The following SLC6A11 variants were observed in gnomAD, a reference collection of about 807,000 sequenced individuals.
SLC6A11 encodes the protein solute carrier family 6 member 11, also known as sodium- and chloride-dependent GABA transporter 3.
In SLC6A11, 25 loss-of-function variants were observed where a neutral mutation model predicts 74.8. That is an observed-to-expected ratio of 0.33 (90% CI 0.24 to 0.47). The LOEUF (loss-of-function observed/expected upper bound fraction) is 0.47, where lower values mean the gene tolerates loss of function less well. SLC6A11 is among the 20% of genes least tolerant of loss of function. The probability of loss-of-function intolerance (pLI) is 1.00; values close to 1 mark genes in which losing one functional copy is unlikely to be tolerated. For synonymous variants in SLC6A11, 330 were observed against 330.2 expected, an observed-to-expected ratio of 1.00 and a Z score of 0.01; for missense variants, 574 against 837.0, an observed-to-expected ratio of 0.69 and a Z score of 3.88.
At chr3:10,872,473 T>G (rs939803879) in intron 5 of SLC6A11, among the ~76,000 whole-genome samples, 1 of 152,240 alleles carries the variant, frequency 6.6e-6, no homozygotes, top group Non-Finnish European at 1.5e-5. Context: ...GAAGCCCTTC[T>G]GGACTGCTCT....
At chr3:10,844,033 G>A (rs1252852413) in intron 4 of SLC6A11, among the ~76,000 whole-genome samples, 181 bp from the exon 5 acceptor site, 1 of 152,218 alleles carries the variant, frequency 6.6e-6, no homozygotes, top group South Asian at 2.1e-4. Context: ...CATGATCCAA[G>A]GTCCAGAGGG....
chr3:10,830,890 A>G (rs751376491), intron 4 of SLC6A11, among the ~76,000 whole-genome samples: 2 of 152,156 alleles, frequency 1.3e-5, no homozygotes, highest in Non-Finnish European at 2.9e-5. Context: ...CAGCCTCCCC[A>G]GGCTGCAGGT....
chr3:10,929,860 G>A (rs1695662279), intron 10 of SLC6A11, among the ~76,000 whole-genome samples: 1 of 152,188 alleles, frequency 6.6e-6, no homozygotes, highest in East Asian at 1.9e-4. Context: ...GTTAGGAGAG[G>A]TTCTCCATGA....
intron 8 of SLC6A11, among the ~76,000 whole-genome samples, chr3:10,921,097 G>A (rs78339670): frequency 2.0e-5 from 3 of 152,164 alleles, no homozygotes; most frequent in Admixed American, 2.0e-4. Flanking sequence ...TATTTGCAGG[G>A]TTCAGATTTT....
rs747022009 is a variant in SLC6A11 at position 10,929,271 on chromosome 3, C to T, written c.1303C>T (p.Arg435Trp). The T allele has an allele frequency of 6.2e-6, 10 of 1,613,982 alleles. No homozygotes were observed. Among genetic ancestry groups the T allele is most frequent in the African/African-American group, 1.3e-5 (1 of 74,902 alleles). The change falls in exon 10 of 14, where the codon CGG (arginine) becomes TGG (tryptophan). Residue 435 changes from arginine to tryptophan, a missense_variant. Around this residue, in one of 4 missense-constraint regions of SLC6A11, gnomAD observed 257 missense variants for 341.5 expected, o/e 0.75. Transcript: ENST00000254488. ...MYPKVFRRGY[R>W]RELLILALSV... ...CCCCAAGGTTTTCCGGAGGGGTTAC[C>T]GGCGGGAGCTGCTCATCCTAGCCTT...
intron 8 of SLC6A11, among the ~76,000 whole-genome samples, chr3:10,923,732 T>C (rs1559584781): frequency 6.6e-6 from 1 of 152,142 alleles, no homozygotes; most frequent in Non-Finnish European, 1.5e-5. Flanking sequence ...AAATATTTCC[T>C]CCTGCAGGAG....
At chr3:10,841,351 T>C (rs1436310218) in intron 4 of SLC6A11, among the ~76,000 whole-genome samples, 2 of 152,094 alleles carry the variant, frequency 1.3e-5, no homozygotes, top group African/African-American at 4.8e-5. Context: ...TCTCCGGAGT[T>C]GAGTGCCCCA....
intron 5 of SLC6A11, among the ~76,000 whole-genome samples, 164 bp downstream of exon 5, chr3:10,844,510 T>C (rs1380989858): frequency 1.3e-5 from 2 of 152,176 alleles, no homozygotes; most frequent in African/African-American, 4.8e-5. Flanking sequence ...CACCACTTAT[T>C]GGCCGCCCAC....
At chr3:10,867,071 T>TGGCCGTATGGGATGGGCAGATGC (rs2106598487) in intron 5 of SLC6A11, among the ~76,000 whole-genome samples, 1 of 152,322 alleles carries the variant, frequency 6.6e-6, no homozygotes, top group South Asian at 2.1e-4. Flanking sequence ...CCATGCTTTC[T>TGGCCGTATGGGATGGGCAGATGC]GGCCGTATGG....
At position 10,896,466 on chromosome 3, in the gene SLC6A11, G is replaced by A. The variant is rs189486821; in HGVS notation, c.892-15624G>A. Among the ~76,000 whole-genome samples the A allele has an allele frequency of 1.2e-4, 18 of 152,336 alleles. No homozygotes were observed. The East Asian group carries it at 3.3e-3, about 28-fold the overall frequency. On this transcript the variant is annotated intron_variant, in intron 6 of 13. Transcript: ENST00000254488. The stretch of plus-strand genomic sequence containing the variant: ...TCCCCATTGTACCCATAAAGAAACT[G>A]AGGCTCAAAGAGGTGACCTCCTCAA...
chr3:10,910,949 G>A lies in SLC6A11; in HGVS notation c.892-1141G>A, dbSNP rs537687987. Among the ~76,000 whole-genome samples the A allele has an allele frequency of 2.1e-4, 32 of 150,814 alleles. No individual in the cohort carries two copies. The South Asian group carries it at 5.4e-3, about 26-fold the overall frequency. ...CAATTCTCGTGCCTCAGCCTCCCAC[G>A]TAGCTGGGATTACAGGCCCCCGCCA... On this transcript the variant is annotated intron_variant, in intron 6 of 13. Coordinates refer to ENST00000254488, the MANE Select transcript of SLC6A11 (RefSeq NM_014229.3).
chr3:10,888,848 G>C (rs1695074918), intron 6 of SLC6A11, among the ~76,000 whole-genome samples: 1 of 152,158 alleles, frequency 6.6e-6, no homozygotes. Context: ...TATTTGTTGA[G>C]TACCTACTGT....
At chr3:10,901,167 G>A (rs1695235591) in intron 6 of SLC6A11, among the ~76,000 whole-genome samples, 1 of 152,200 alleles carries the variant, frequency 6.6e-6, no homozygotes, top group Admixed American at 6.5e-5. Flanking sequence ...AGGAATTGCC[G>A]TCTTCAGGCC....
At chr3:10,853,313 A>T (rs1421098720) in intron 5 of SLC6A11, among the ~76,000 whole-genome samples, 3 of 152,170 alleles carry the variant, frequency 2.0e-5, no homozygotes, top group Non-Finnish European at 2.9e-5. Context: ...GAGAGATGAC[A>T]TGAGCCTGGG....
At chr3:10,867,292 G>A (rs1694777385) in intron 5 of SLC6A11, among the ~76,000 whole-genome samples, 1 of 152,214 alleles carries the variant, frequency 6.6e-6, no homozygotes, top group African/African-American at 2.4e-5. Flanking sequence ...GCAGAGTGCA[G>A]CATGTGTGCT....
At chr3:10,902,508 G>T (rs568318070) in intron 6 of SLC6A11, among the ~76,000 whole-genome samples, 4 of 152,228 alleles carry the variant, frequency 2.6e-5, no homozygotes, top group Admixed American at 6.5e-5. Context: ...AAAGAAACCA[G>T]ATTAAAGGGA....
chr3:10,885,810 G>T (rs1695035851), intron 6 of SLC6A11, among the ~76,000 whole-genome samples: 1 of 152,076 alleles, frequency 6.6e-6, no homozygotes, highest in Non-Finnish European at 1.5e-5. Flanking sequence ...TCAGCATCCA[G>T]ACTCCAGGGT....
intron 9 of SLC6A11, among the ~76,000 whole-genome samples, chr3:10,928,973 T>G (rs571671031): frequency 6.6e-6 from 1 of 152,198 alleles, no homozygotes; most frequent in Non-Finnish European, 1.5e-5. Context: ...TGAATAATCC[T>G]GGGCAGGTCA....
At chr3:10,884,363 A>G (rs1317554712) in intron 6 of SLC6A11, among the ~76,000 whole-genome samples, 1 of 152,196 alleles carries the variant, frequency 6.6e-6, no homozygotes, top group Non-Finnish European at 1.5e-5. Context: ...ATAGTTGAAA[A>G]TTATTATATT....
Sources: allele counts gnomAD v4.1 joint callset (sites outside exome capture counted in the v4.1 genomes callset), GRCh38; gene constraint gnomAD v4.1.1; regional missense constraint gnomAD v4.1.1; transcripts MANE v1.5; gene names NCBI Gene and HGNC (gene_info 2026-07-23, HGNC 2026-07-21).